NUMB: variants seen among roughly 807,000 people sequenced by gnomAD.
NUMB encodes NUMB endocytic adaptor protein, also known as protein numb homolog.
NUMB carries 29 observed loss-of-function variants against 59.7 expected under a neutral mutation model. That is an observed-to-expected ratio of 0.49 (90% CI 0.36 to 0.66). The LOEUF is 0.66. Among genes scored for constraint, NUMB ranks in the 30% least tolerant of loss-of-function variants. The pLI is 0.00. For synonymous variants in NUMB, 288 were observed against 288.2 expected (o/e 1.00, Z 0.01); for missense variants, 723 against 822.0 (o/e 0.88, Z 1.47).
intron 9 of NUMB, chr14:73,286,772 G>A (rs1319483693): frequency 3.1e-6 from 1 of 319,262 alleles, no homozygotes; most frequent in Non-Finnish European, 6.0e-6. Flanking sequence ...CCTTTAAGAT[G>A]CAGGTACTTG....
intron 2 of NUMB, among the ~76,000 whole-genome samples, chr14:73,403,551 C>T (rs908650240): frequency 6.6e-6 from 1 of 152,192 alleles, no homozygotes; most frequent in Non-Finnish European, 1.5e-5. Context: ...AATACAGAAT[C>T]GGGGAGCTCC....
In NUMB at chr14:73,421,798, T is replaced by TA. The variant is rs552039799; in HGVS notation, c.-232-11731dup. 1.8e-3 allele frequency among the ~76,000 whole-genome samples: 267 copies of TA among 151,932 alleles called. 2 individuals carry two copies. The highest frequency in any genetic ancestry group is 3.5e-3 in the Admixed American group (54 of 15,248). On this transcript the variant is annotated intron_variant, in intron 1 of 12. Coordinates refer to ENST00000555238, the MANE Select transcript of NUMB (RefSeq NM_001005743.2). Reference sequence around the variant, plus strand: ...ATTCGGTGTCTATTAAAACTATGTTTAAAAAAAACAAACACTTTGTGTCTA... The same window carrying TA: ...ATTCGGTGTCTATTAAAACTATGTTTAAAAAAAAACAAACACTTTGTGTCTA...
intron 6 of NUMB, among the ~76,000 whole-genome samples, chr14:73,307,806 C>T (rs953720450): frequency 4.9e-5 from 7 of 143,088 alleles, no homozygotes; most frequent in African/African-American, 1.3e-4. Context: ...GATCTTGGCT[C>T]ACTGCAAGCT....
At position 73,305,526 on chromosome 14, in the gene NUMB, T is replaced by C. The variant is rs148083981; in HGVS notation, c.235-8241A>G. 2.4e-3 allele frequency among the ~76,000 whole-genome samples: 370 copies of C among 152,110 alleles called. 3 individuals are homozygous for C. The highest frequency in any genetic ancestry group is 8.4e-3 in the African/African-American group (350 of 41,492). ...TGCCATTAATTAACAAAAATAAAAA[T>C]GACATTTGGAGGCAAGACAGCTCTG... On this transcript the variant is annotated intron_variant, in intron 6 of 12. Transcript: ENST00000555238.
intron 2 of NUMB, among the ~76,000 whole-genome samples, chr14:73,402,402 T>C (rs376271615): frequency 3.9e-5 from 6 of 152,172 alleles, no homozygotes; most frequent in East Asian, 1.9e-4. Context: ...CCATAAAGTA[T>C]TGCACTGTAG....
chr14:73,280,534 G>A (rs897283130), intron 11 of NUMB, among the ~76,000 whole-genome samples: 1 of 151,228 alleles, frequency 6.6e-6, no homozygotes. Flanking sequence ...GCTAACCCTT[G>A]TTCCTTTTAC....
intron 1 of NUMB, among the ~76,000 whole-genome samples, chr14:73,449,067 G>A (rs1325526557): frequency 6.6e-6 from 1 of 152,038 alleles, no homozygotes; most frequent in African/African-American, 2.4e-5. Flanking sequence ...AAACAATACA[G>A]TATAACTATG....
intron 2 of NUMB, among the ~76,000 whole-genome samples, chr14:73,401,790 C>A (rs1047514161): frequency 6.6e-6 from 1 of 151,928 alleles, no homozygotes; most frequent in South Asian, 2.1e-4. Flanking sequence ...AGGATGGTCT[C>A]GATCTCCTGA....
At chr14:73,366,366 A>G (rs961607396) in intron 3 of NUMB, among the ~76,000 whole-genome samples, 1 of 152,206 alleles carries the variant, frequency 6.6e-6, no homozygotes, top group Non-Finnish European at 1.5e-5. Context: ...TTGCTGCCTA[A>G]ACGTTGCTTT....
intron 2 of NUMB, among the ~76,000 whole-genome samples, chr14:73,396,321 GGTGT>G (rs200195176): frequency 0.076 from 10,886 of 144,180 alleles, 865 homozygotes; most frequent in African/African-American, 0.21. Flanking sequence ...AATTATTAGG[GGTGT>G]GTGTGTGTGT....
At chr14:73,432,298 G>A (rs1030908980) in intron 1 of NUMB, among the ~76,000 whole-genome samples, 15 of 151,600 alleles carry the variant, frequency 9.9e-5, no homozygotes, top group Non-Finnish European at 1.6e-4. Context: ...ATAAAGCTAC[G>A]GTAAATAAGA....
At chr14:73,407,869 T>G (rs1020435313) in intron 2 of NUMB, among the ~76,000 whole-genome samples, 1 of 152,350 alleles carries the variant, frequency 6.6e-6, no homozygotes, top group South Asian at 2.1e-4. Flanking sequence ...ACAGGCAGTT[T>G]ATATAACTGG....
intron 6 of NUMB, among the ~76,000 whole-genome samples, chr14:73,308,075 A>T (rs889551638): frequency 6.6e-6 from 1 of 152,006 alleles, no homozygotes; most frequent in Non-Finnish European, 1.5e-5. Context: ...ATCTCTCAAG[A>T]GGGGATGGCA....
chr14:73,314,097 C>A (rs1011677628), intron 6 of NUMB, among the ~76,000 whole-genome samples: 6 of 152,100 alleles, frequency 3.9e-5, no homozygotes, highest in African/African-American at 1.4e-4. Context: ...GAAATAAAAT[C>A]TAAAGTTAAA....
At chr14:73,296,171 G>A (rs919069399) in intron 7 of NUMB, among the ~76,000 whole-genome samples, 7 of 152,208 alleles carry the variant, frequency 4.6e-5, no homozygotes, top group East Asian at 1.9e-4. Flanking sequence ...GGCCACGAGC[G>A]GTGGCTCATG....
intron 1 of NUMB, among the ~76,000 whole-genome samples, chr14:73,436,385 C>T (rs1036687102): frequency 1.3e-5 from 2 of 152,126 alleles, no homozygotes; most frequent in African/African-American, 2.4e-5. Flanking sequence ...AGCGTGATCT[C>T]GGCTCACTGC....
chr14:73,287,010 T>A (rs1486180316), intron 9 of NUMB, 100 bp downstream of exon 9: 1 of 1,123,244 alleles, frequency 8.9e-7, no homozygotes, highest in Non-Finnish European at 1.4e-6. Context: ...TGCTAAGGGT[T>A]CTCTTTGATT....
intron 6 of NUMB, among the ~76,000 whole-genome samples, chr14:73,305,155 C>T (rs916497694): frequency 2.6e-5 from 4 of 152,162 alleles, no homozygotes; most frequent in African/African-American, 4.8e-5. Context: ...CTTTTCAGGA[C>T]ATATGATCTC....
chr14:73,286,575 T>TCC (rs1889019931), intron 9 of NUMB: 2 of 121,424 alleles, frequency 1.6e-5, no homozygotes, highest in African/African-American at 7.4e-5. Flanking sequence ...ACACACTAAA[T>TCC]TAAATTAACA....
Sources: gnomAD v4.1 joint callset for allele counts (sites outside exome capture counted in the v4.1 genomes callset) on GRCh38, gnomAD v4.1.1 for gene constraint, MANE v1.5 for transcripts, NCBI Gene and HGNC (gene_info 2026-07-23, HGNC 2026-07-21) for gene names.